The following GNAI2 variants were observed in gnomAD, a reference collection of about 807,000 sequenced individuals.
GNAI2 encodes G protein subunit alpha i2.
GNAI2 carries 4 observed loss-of-function variants against 36.8 expected under a neutral mutation model. The ratio of observed to expected loss-of-function variants is 0.11; its 90% CI spans 0.05 to 0.25. The LOEUF (loss-of-function observed/expected upper bound fraction) is 0.25. GNAI2 is among the 10% of genes least tolerant of loss of function. GNAI2 has a pLI of 1.00. For missense variants in GNAI2, 230 were observed against 481.3 expected (o/e 0.48, Z 4.89); for synonymous variants, 194 against 194.1 (o/e 1.00, Z 0.01).
chr3:50,254,333 C>T (rs1700638370), intron 4 of GNAI2, among the ~76,000 whole-genome samples: 1 of 152,096 alleles, frequency 6.6e-6, no homozygotes, highest in African/African-American at 2.4e-5. Flanking sequence ...TCTAGCCTTC[C>T]CCTATCTCTG....
intron 1 of GNAI2, among the ~76,000 whole-genome samples, chr3:50,248,765 A>G (rs1049029137): frequency 1.3e-5 from 2 of 152,096 alleles, no homozygotes; most frequent in Non-Finnish European, 2.9e-5. Context: ...CTTGGGATAG[A>G]GAATGTTCTC....
At chr3:50,236,027 G>T (rs887605244), upstream of GNAI2, 3 of 251,402 alleles carry the variant, frequency 1.2e-5, no homozygotes, top group Non-Finnish European at 2.0e-5. This position sits in a 1 kb window ranked among gnomAD's most constrained non-coding sequence, Gnocchi z 4.0. Context: ...CCAGGCCCGA[G>T]CCTGGGCTGC....
intron 4 of GNAI2, among the ~76,000 whole-genome samples, chr3:50,254,963 C>T (rs1394713648): frequency 2.0e-5 from 3 of 152,342 alleles, no homozygotes; most frequent in Non-Finnish European, 1.5e-5. Flanking sequence ...GGCGAACCCA[C>T]CTGTTGGGGA....
intron 1 of GNAI2, among the ~76,000 whole-genome samples, chr3:50,251,031 G>A (rs587750902): frequency 6.6e-6 from 1 of 151,992 alleles, no homozygotes; most frequent in African/African-American, 2.4e-5. Flanking sequence ...GGCTGGTCTC[G>A]AACTCCTGAC....
At chr3:50,257,210 C>CAGGG in intron 7 of GNAI2, 120 bp downstream of exon 7, 2 of 838,068 alleles carry the variant, frequency 2.4e-6, no homozygotes, top group Non-Finnish European at 3.8e-6. Context: ...GGAACACTGG[C>CAGGG]AGGGGCTGGT....
intron 1 of GNAI2, among the ~76,000 whole-genome samples, chr3:50,239,327 A>C (rs1700252150): frequency 6.6e-6 from 1 of 152,076 alleles, no homozygotes; most frequent in Non-Finnish European, 1.5e-5. Context: ...TCCCTACTTG[A>C]TTGTTCTTTA....
At position 50,251,603 on chromosome 3, in the gene GNAI2, G is replaced by C. The variant is rs781795567; in HGVS notation, c.119-497G>C. On this transcript the variant is annotated intron_variant, in intron 1 of 8. Transcript: ENST00000313601. ...CATGTCCAGAAAGCTGAAGTGTGACGCTGTGCTCCTGCTTAGGCCCCTGGT... is the reference window on the plus strand; with the variant it reads ...CATGTCCAGAAAGCTGAAGTGTGACCCTGTGCTCCTGCTTAGGCCCCTGGT... 3 of 1,252,966 alleles carry C rather than the reference G, an allele frequency of 2.4e-6. No homozygotes were observed. In the African/African-American group the frequency reaches 4.6e-5, roughly 19 times the overall value. 77.6% of individuals were successfully genotyped at this position (1,252,966 alleles called of 1,614,324 possible).
chr3:50,256,044 CAAAAAAAAAAAAAAA>C (rs1170893603), intron 4 of GNAI2, 133 bp from the exon 5 acceptor site: 75 of 142,754 alleles, frequency 5.3e-4, no homozygotes, highest in Admixed American at 8.1e-4. Context: ...CACTCTGTCT[CAAAAAAAAAAAAAAA>C]AAAAAAAAAA....
intron 1 of GNAI2, among the ~76,000 whole-genome samples, chr3:50,250,433 A>C (rs1291685108): frequency 2.6e-5 from 4 of 152,156 alleles, no homozygotes; most frequent in African/African-American, 9.7e-5. Context: ...TGCCACAGTG[A>C]TCAGAATTGG....
chr3:50,234,821 A>C (rs1266991408), upstream of GNAI2, among the ~76,000 whole-genome samples: 1 of 152,202 alleles, frequency 6.6e-6, no homozygotes, highest in African/African-American at 2.4e-5. Flanking sequence ...CAGACCCTTC[A>C]AATGTCCAAT....
intron 1 of GNAI2, among the ~76,000 whole-genome samples, chr3:50,250,967 G>A (rs1418900408): frequency 2.0e-5 from 3 of 151,926 alleles, no homozygotes; most frequent in African/African-American, 4.8e-5. Flanking sequence ...CTGCCACCAC[G>A]CCTGGCTAGT....
chr3:50,251,366 A>G, intron 1 of GNAI2: 4 of 995,794 alleles, frequency 4.0e-6, no homozygotes, highest in Non-Finnish European at 4.8e-6. Flanking sequence ...AGCTAAAGAG[A>G]AATATGGGCC....
At chr3:50,233,494 G>T (rs587617573), upstream of GNAI2, among the ~76,000 whole-genome samples, 4 of 152,302 alleles carry the variant, frequency 2.6e-5, no homozygotes, top group Admixed American at 2.6e-4. Flanking sequence ...GAAGGGGAGG[G>T]TCCCACCTTG....
At chr3:50,245,277 C>T (rs369108085) in intron 1 of GNAI2, among the ~76,000 whole-genome samples, 4 of 152,150 alleles carry the variant, frequency 2.6e-5, no homozygotes, top group East Asian at 3.9e-4. Flanking sequence ...GGAATACAGG[C>T]GTGAGCCACC....
chr3:50,250,811 T>C (rs201632611), intron 1 of GNAI2, among the ~76,000 whole-genome samples: 7,847 of 116,118 alleles, frequency 0.068, 1,473 homozygotes, highest in East Asian at 0.63. Flanking sequence ...GGGAGTCTGC[T>C]TTTTTTTTTT....
chr3:50,246,978 AT>A (rs1700439453), intron 1 of GNAI2: 4 of 1,475,248 alleles, frequency 2.7e-6, no homozygotes, highest in African/African-American at 1.4e-5. Context: ...GCCGCTGTCC[AT>A]TGCTCTTCAT....
At chr3:50,245,286 C>T (rs1391645292) in intron 1 of GNAI2, among the ~76,000 whole-genome samples, 6 of 152,212 alleles carry the variant, frequency 3.9e-5, no homozygotes, top group Non-Finnish European at 7.4e-5. Context: ...GCGTGAGCCA[C>T]CCCGCCCCGC....
Position 50,254,084 on chromosome 3 carries a change from G to A in GNAI2, c.464+900G>A, listed in dbSNP as rs72932921. Among the ~76,000 whole-genome samples the A allele has an allele frequency of 2.7e-3, 406 of 152,172 alleles. 1 individual carries two copies. The highest frequency in any genetic ancestry group is 9.3e-3 in the African/African-American group (385 of 41,490). On this transcript the variant is annotated intron_variant, in intron 4 of 8. Transcript: ENST00000313601. Reference sequence around the variant, plus strand: ...CCCCTGGACCTCAGCTGTGACCCTCGCTGGCCCTAGGCTGAGGAATTACAA... The same window carrying A: ...CCCCTGGACCTCAGCTGTGACCCTCACTGGCCCTAGGCTGAGGAATTACAA...
chr3:50,236,543 C>T lies in GNAI2; in HGVS notation c.118+90C>T, dbSNP rs1700175049. The T allele has an allele frequency of 2.7e-6, 4 of 1,486,652 alleles. No homozygotes were observed. Among genetic ancestry groups the T allele is most frequent in the Non-Finnish European group, 3.6e-6 (4 of 1,125,668 alleles). 92.1% of individuals were successfully genotyped at this position (1,486,652 alleles called of 1,614,324 possible). A position where few individuals can be genotyped will look rare whatever the true frequency, so the allele number is the denominator to read the frequency against. ...CCTCCCAGACTAGGGCTTCAAACTC[C>T]CAGACCCGGGCTGTCTGGGACCCCA... On this transcript the variant is annotated intron_variant, in intron 1 of 8. Transcript: ENST00000313601. The surrounding 1 kb of genome is among the most constrained non-coding windows in gnomAD (Gnocchi z 4.0).
Sources: gnomAD v4.1 joint callset for allele counts (sites outside exome capture counted in the v4.1 genomes callset) on GRCh38, gnomAD v4.1.1 for gene constraint, Gnocchi (gnomAD v3.1) non-coding constraint, MANE v1.5 for transcripts, NCBI Gene and HGNC (gene_info 2026-07-23, HGNC 2026-07-21) for gene names.